The following IGSF10 variants were observed in gnomAD, a reference collection of about 807,000 sequenced individuals.
IGSF10 encodes the protein immunoglobulin superfamily member 10, also known as calvaria mechanical force protein 608.
A neutral mutation model predicts 128.2 loss-of-function variants in IGSF10; 126 were observed. The observed-to-expected ratio is 0.98, with a 90% CI of 0.85 to 1.14. The LOEUF (loss-of-function observed/expected upper bound fraction) is 1.14. Among genes scored for constraint, IGSF10 ranks in the 50% most tolerant of loss-of-function variants. IGSF10 has a pLI of 0.00. For synonymous variants in IGSF10, 1,185 were observed against 1,146.2 expected (o/e 1.03, Z -0.68); for missense variants, 3,295 against 3,149.8 (o/e 1.05, Z -1.10).
the IGSF10 span, among the ~76,000 whole-genome samples, chr3:151,474,960 T>A: frequency 1.3e-5 from 2 of 152,130 alleles, no homozygotes; most frequent in Non-Finnish European, 2.9e-5. Context: ...TCCCACAATA[T>A]GTGGGATTTC....
At chr3:151,616,789 A>T in the IGSF10 span, among the ~76,000 whole-genome samples, 5 of 152,228 alleles carry the variant, frequency 3.3e-5, no homozygotes, top group African/African-American at 1.2e-4. Context: ...AATGCGTCTT[A>T]TTCTGTTTTC....
chr3:151,483,436 A>G, the IGSF10 span, among the ~76,000 whole-genome samples: 1 of 152,208 alleles, frequency 6.6e-6, no homozygotes, highest in Non-Finnish European at 1.5e-5. Context: ...CAGATATACA[A>G]ACAAGAAAGA....
At chr3:151,525,000 ACCTTTTTTTTTTTTTTTTTTT>A in the IGSF10 span, among the ~76,000 whole-genome samples, 3 of 112,182 alleles carry the variant, frequency 2.7e-5, no homozygotes, top group Non-Finnish European at 5.4e-5. Flanking sequence ...AATGCATTAC[ACCTTTTTTTTTTTTTTTTTTT>A]TTTTTTTTTT....
rs1241211923 is a variant in IGSF10 at position 151,453,558 on chromosome 3, T to G, written c.541A>C (p.Ile181Leu). ...DTFVSLSYLQ[I>L]FKISFIKFLY... ...AACTTAATGAAAGAGATTTTAAATA[T>G]CTGGAGGTAGCTCAAAGAGACAAAT... The change falls in exon 5 of 8, where the codon ATA (isoleucine) becomes CTA (leucine). Residue 181 changes from isoleucine to leucine, a missense_variant. By Grantham distance (5) the Ile-to-Leu change is conservative. Coordinates refer to ENST00000282466, the MANE Select transcript of IGSF10 (RefSeq NM_178822.5). The G allele has an allele frequency of 6.2e-7, 1 of 1,613,952 alleles. No individual in the cohort carries two copies. Among genetic ancestry groups the G allele is most frequent in the Non-Finnish European group, 8.5e-7 (1 of 1,179,858 alleles).
At chr3:151,507,496 A>T in the IGSF10 span, among the ~76,000 whole-genome samples, 2 of 152,204 alleles carry the variant, frequency 1.3e-5, no homozygotes, top group Admixed American at 1.3e-4. Flanking sequence ...GGACTGTCTG[A>T]GACTTGACGA....
chr3:151,551,973 G>C, the IGSF10 span, among the ~76,000 whole-genome samples: 1 of 152,114 alleles, frequency 6.6e-6, no homozygotes, highest in Non-Finnish European at 1.5e-5. Context: ...CTCACTGCAT[G>C]ATGTGGTTTG....
At chr3:151,523,356 A>G in the IGSF10 span, among the ~76,000 whole-genome samples, 1 of 152,042 alleles carries the variant, frequency 6.6e-6, no homozygotes, top group African/African-American at 2.4e-5. Context: ...CCCACATACA[A>G]AAGGCAATCC....
At chr3:151,541,447 G>T in the IGSF10 span, among the ~76,000 whole-genome samples, 2 of 152,206 alleles carry the variant, frequency 1.3e-5, no homozygotes, top group South Asian at 2.1e-4. Context: ...TAATTTGCTA[G>T]GCCATAAATT....
rs1252736020 is a variant in IGSF10 at position 151,445,854 on chromosome 3, G to A, written c.4127C>T (p.Pro1376Leu). ...SGFTTPTAMT[P>L]PVLTTAETSV... ...AGTTTCGGCTGTGGTTAGAACAGGA[G>A]GTGTCATAGCAGTGGGTGTAGTGAA... The change falls in exon 6 of 8, where the codon CCT becomes CTT. Residue 1376 changes from proline (P) to leucine (L), a missense_variant. By Grantham distance (98) the Pro-to-Leu change is moderately conservative. Transcript: ENST00000282466. 5.6e-6 allele frequency: 9 copies of A among 1,614,222 alleles called. No homozygotes were observed. Among genetic ancestry groups the A allele is most frequent in the Non-Finnish European group, 7.6e-6 (9 of 1,180,054 alleles).
At chr3:151,591,803 A>G in the IGSF10 span, among the ~76,000 whole-genome samples, 1 of 152,140 alleles carries the variant, frequency 6.6e-6, no homozygotes, top group South Asian at 2.1e-4. Flanking sequence ...TTTGCTGTGC[A>G]TTATTCTTTT....
chr3:151,567,877 G>A, the IGSF10 span, among the ~76,000 whole-genome samples: 1 of 152,250 alleles, frequency 6.6e-6, no homozygotes, highest in South Asian at 2.1e-4. Context: ...GCTTCCACAA[G>A]CGACTTCCCT....
the IGSF10 span, among the ~76,000 whole-genome samples, chr3:151,541,585 T>C: frequency 6.6e-6 from 1 of 152,182 alleles, no homozygotes; most frequent in East Asian, 1.9e-4. Context: ...TATTTCTAAT[T>C]TTATATTGTC....
chr3:151,452,148 A>G (rs1249614804), intron 5 of IGSF10, among the ~76,000 whole-genome samples: 1 of 152,238 alleles, frequency 6.6e-6, no homozygotes, highest in Non-Finnish European at 1.5e-5. Flanking sequence ...AAAGGATAAC[A>G]CTTGATTATT....
At chr3:151,598,151 T>C in the IGSF10 span, among the ~76,000 whole-genome samples, 2 of 151,640 alleles carry the variant, frequency 1.3e-5, no homozygotes, top group African/African-American at 2.4e-5. Context: ...TTTTTGCTTC[T>C]TCCCCCCACC....
chr3:151,532,414 T>C, the IGSF10 span, among the ~76,000 whole-genome samples: 1 of 152,038 alleles, frequency 6.6e-6, no homozygotes, highest in Non-Finnish European at 1.5e-5. Context: ...TGAAGATTGA[T>C]GTAAAAATCC....
At chr3:151,610,103 C>CTA in the IGSF10 span, among the ~76,000 whole-genome samples, 1 of 152,132 alleles carries the variant, frequency 6.6e-6, no homozygotes, top group Admixed American at 6.6e-5. Flanking sequence ...GGTAAGTAGG[C>CTA]TATGGTCTCA....
At chr3:151,561,955 C>T in the IGSF10 span, among the ~76,000 whole-genome samples, 1 of 152,152 alleles carries the variant, frequency 6.6e-6, no homozygotes, top group South Asian at 2.1e-4. Flanking sequence ...CAAACACATA[C>T]TTTCAAGACT....
Position 151,456,979 on chromosome 3 carries a change from G to GTCCCACCT in IGSF10, c.324+39_324+46dup. ...CAGCCTTTGAAGGTCTATCTCACAGGTCCCACCTTACCTCTTTAACCTGCC... is the reference window on the plus strand; with the variant it reads ...CAGCCTTTGAAGGTCTATCTCACAGGTCCCACCTTCCCACCTTACCTCTTTAACCTGCC... On this transcript the variant is annotated intron_variant, in intron 4 of 7. Coordinates refer to ENST00000282466, the MANE Select transcript of IGSF10 (RefSeq NM_178822.5). 3 of 1,607,208 alleles carry GTCCCACCT rather than the reference G, an allele frequency of 1.9e-6. No homozygotes were observed. The South Asian group carries it at 3.3e-5, about 18-fold the overall frequency.
At chr3:151,615,675 G>GA in the IGSF10 span, among the ~76,000 whole-genome samples, 1 of 152,104 alleles carries the variant, frequency 6.6e-6, no homozygotes, top group Non-Finnish European at 1.5e-5. Flanking sequence ...GCGCTGAAAG[G>GA]AAACTATAAA....
Sources: gnomAD v4.1 joint callset for allele counts (sites outside exome capture counted in the v4.1 genomes callset) on GRCh38, gnomAD v4.1.1 for gene constraint, MANE v1.5 for transcripts, NCBI Gene and HGNC (gene_info 2026-07-23, HGNC 2026-07-21) for gene names.